Variants in PTPRT observed in about 807,000 individuals in gnomAD.
The protein encoded by PTPRT is protein tyrosine phosphatase receptor type T.
Under a neutral mutation model 176.8 loss-of-function variants are expected in PTPRT, and 56 were observed. The ratio of observed to expected loss-of-function variants is 0.32; its 90% CI spans 0.26 to 0.40. The LOEUF (loss-of-function observed/expected upper bound fraction) is 0.40. Ranked by LOEUF, PTPRT falls within the 10% of genes least tolerant of loss-of-function variation. The pLI is 1.00. For synonymous variants in PTPRT, 783 were observed against 739.0 expected (o/e 1.06, Z -0.96); for missense variants, 1,540 against 1,908.2 (o/e 0.81, Z 3.60).
At chr20:42,365,391 T>C (rs1324773939) in intron 9 of PTPRT, among the ~76,000 whole-genome samples, 1 of 152,178 alleles carries the variant, frequency 6.6e-6, no homozygotes, top group African/African-American at 2.4e-5. Context: ...TATAGTTGTA[T>C]ATGGACGCTA....
chr20:42,411,070 A>G lies in PTPRT; in HGVS notation c.1560+37150T>C, dbSNP rs150861049. 3.3e-3 allele frequency among the ~76,000 whole-genome samples: 507 copies of G among 152,348 alleles called. 2 individuals carry two copies. The highest frequency in any genetic ancestry group is 5.2e-3 in the Non-Finnish European group (352 of 68,046). ...GTAAAGGAAGCAGAAAGAAGGAAAT[A>G]CTAAAGGTAAGAACAGAAATGAGTG... On this transcript the variant is annotated intron_variant, in intron 9 of 30. Transcript: ENST00000373187.
chr20:42,355,609 G>C (rs112759557), intron 9 of PTPRT, among the ~76,000 whole-genome samples: 1 of 152,168 alleles, frequency 6.6e-6, no homozygotes, highest in African/African-American at 2.4e-5. Context: ...TGAGCAAATG[G>C]GGGCAAATGG....
chr20:42,894,092 G>C (rs1389442931), intron 1 of PTPRT, among the ~76,000 whole-genome samples: 1 of 151,916 alleles, frequency 6.6e-6, no homozygotes, highest in Non-Finnish European at 1.5e-5. Flanking sequence ...AACAGATGGA[G>C]ATTCTGAATC....
intron 2 of PTPRT, among the ~76,000 whole-genome samples, chr20:42,879,653 G>C (rs208191): frequency 0.35 from 52,799 of 151,924 alleles, 10,770 homozygotes; most frequent in African/African-American, 0.58. Context: ...AACCCACAGG[G>C]AAAGGCCCCA....
intron 1 of PTPRT, among the ~76,000 whole-genome samples, chr20:42,900,595 T>A (rs182384838): frequency 1.3e-5 from 2 of 152,302 alleles, no homozygotes; most frequent in African/African-American, 4.8e-5. Flanking sequence ...CCATATCACA[T>A]AGAAGACAGG....
intron 1 of PTPRT, among the ~76,000 whole-genome samples, chr20:42,992,977 T>G (rs569736268): frequency 6.6e-6 from 1 of 152,250 alleles, no homozygotes; most frequent in African/African-American, 2.4e-5. Context: ...AGAACAACAG[T>G]TGCATAGCCT....
In PTPRT at chr20:42,123,062, G is replaced by A. The variant is rs142992657; in HGVS notation, c.2848-3091C>T. Among the ~76,000 whole-genome samples the A allele has an allele frequency of 2.3e-3, 354 of 152,298 alleles. 3 individuals carry two copies. The highest frequency in any genetic ancestry group is 8.0e-3 in the African/African-American group (334 of 41,552). ...TTGTACCTTTCTCCTCCTGGGACAT[G>A]GGACATGCCACCCAGAGCTGGGTGC... On this transcript the variant is annotated intron_variant, in intron 19 of 30. Transcript: ENST00000373187.
intron 5 of PTPRT, among the ~76,000 whole-genome samples, chr20:42,766,802 G>A (rs534250114): frequency 3.3e-5 from 5 of 152,142 alleles, no homozygotes; most frequent in South Asian, 2.1e-4. Flanking sequence ...ACAACTGGCC[G>A]AGTTGAGAAG....
rs533871701 is a variant in PTPRT, at chr20:42,855,508, T to G, written c.214+30299A>C. 2.8e-5 allele frequency among the ~76,000 whole-genome samples: 4 copies of G among 143,442 alleles called. No homozygotes were observed. The East Asian group carries it at 8.3e-4, about 30-fold the overall frequency. 94.1% of individuals were successfully genotyped at this position (143,442 alleles called of 152,430 possible). ...GTGCTGTGGTACAATCTCGGCTCACTGCAACCTCCACCTCCTGGGTTCAAG... is the reference window on the plus strand; with the variant it reads ...GTGCTGTGGTACAATCTCGGCTCACGGCAACCTCCACCTCCTGGGTTCAAG... On this transcript the variant is annotated intron_variant, in intron 2 of 30. Coordinates refer to ENST00000373187, the MANE Select transcript of PTPRT (RefSeq NM_007050.6).
intron 7 of PTPRT, among the ~76,000 whole-genome samples, chr20:42,600,135 AT>A (rs201422471): frequency 0.025 from 3,780 of 151,496 alleles, 168 homozygotes; most frequent in African/African-American, 0.086. Flanking sequence ...TGTTGTTGTT[AT>A]TTTTTTGTTT....
Position 42,170,629 on chromosome 20 carries a change from C to T in PTPRT, c.2492-9087G>A, listed in dbSNP as rs144501151. On this transcript the variant is annotated intron_variant, in intron 16 of 30. Transcript: ENST00000373187. ...AATTTGAAAAACTTGGAAATTAAAACGCAAGGAAAGCAGAACAATACAATG... is the reference window on the plus strand; with the variant it reads ...AATTTGAAAAACTTGGAAATTAAAATGCAAGGAAAGCAGAACAATACAATG... Among the ~76,000 whole-genome samples the T allele has an allele frequency of 3.8e-3, 576 of 152,194 alleles. 1 individual carries two copies. The highest frequency in any genetic ancestry group is 0.02 in the Middle Eastern group (6 of 294).
chr20:42,451,347 G>C (rs895799175), intron 8 of PTPRT, among the ~76,000 whole-genome samples: 7 of 152,084 alleles, frequency 4.6e-5, no homozygotes, highest in South Asian at 2.1e-4. Flanking sequence ...ACCAATTTTG[G>C]AGAGGAAGCT....
chr20:43,111,079 G>T (rs1211789398), intron 1 of PTPRT, among the ~76,000 whole-genome samples: 1 of 152,174 alleles, frequency 6.6e-6, no homozygotes, highest in Non-Finnish European at 1.5e-5. Context: ...GGAAACATGA[G>T]TTATCGTGTG....
chr20:42,995,335 T>C (rs1320522065), intron 1 of PTPRT, among the ~76,000 whole-genome samples: 1 of 152,184 alleles, frequency 6.6e-6, no homozygotes, highest in African/African-American at 2.4e-5. Flanking sequence ...GATTCTGTTT[T>C]AAGTCAGAGG....
chr20:43,068,224 G>A (rs2011137347), intron 1 of PTPRT, among the ~76,000 whole-genome samples: 1 of 148,602 alleles, frequency 6.7e-6, no homozygotes, highest in Non-Finnish European at 1.5e-5. Flanking sequence ...CGAATTAGGG[G>A]CCAGGCGCAG....
At chr20:42,388,273 A>G (rs974115849) in intron 9 of PTPRT, among the ~76,000 whole-genome samples, 2 of 152,224 alleles carry the variant, frequency 1.3e-5, no homozygotes, top group Non-Finnish European at 2.9e-5. Flanking sequence ...AAATTGACAA[A>G]TGGGATCTAA....
At chr20:42,969,447 A>G (rs1003867636) in intron 1 of PTPRT, 1 of 152,224 alleles carries the variant, frequency 6.6e-6, no homozygotes, top group African/African-American at 2.4e-5. Flanking sequence ...GGCCAGCTAT[A>G]CTTGCCTCTG....
intron 8 of PTPRT, among the ~76,000 whole-genome samples, chr20:42,454,721 C>G (rs572565828): frequency 6.6e-6 from 1 of 151,972 alleles, no homozygotes; most frequent in South Asian, 2.1e-4. Flanking sequence ...TTTATGTTAC[C>G]TTTGAATATG....
At chr20:42,099,817 T>TGG (rs552600202) in intron 26 of PTPRT, among the ~76,000 whole-genome samples, 245 of 151,656 alleles carry the variant, frequency 1.6e-3, no homozygotes, top group African/African-American at 5.3e-3. Context: ...GTGCATTGGC[T>TGG]GGGGGGGCCC....
Sources: allele counts gnomAD v4.1 joint callset (sites outside exome capture counted in the v4.1 genomes callset), GRCh38; gene constraint gnomAD v4.1.1; transcripts MANE v1.5; gene names NCBI Gene and HGNC (gene_info 2026-07-23, HGNC 2026-07-21).